Variants in GLB1 observed in about 807,000 individuals in gnomAD.
The protein encoded by GLB1 is beta-galactosidase.
In GLB1, 56 loss-of-function variants were observed where a neutral mutation model predicts 74.0. The observed-to-expected ratio is 0.76, with a 90% CI of 0.61 to 0.94. The LOEUF (loss-of-function observed/expected upper bound fraction) is 0.94. GLB1 is among the 40% of genes least tolerant of loss of function. The pLI, the probability that GLB1 is intolerant of heterozygous loss-of-function variation, is 0.00. For synonymous variants in GLB1, 323 were observed against 323.6 expected (o/e 1.00, Z 0.02); for missense variants, 787 against 845.5 (o/e 0.93, Z 0.86).
chr3:33,038,468 T>G (rs1464116099), intron 10 of GLB1, among the ~76,000 whole-genome samples: 1 of 152,232 alleles, frequency 6.6e-6, no homozygotes, highest in Non-Finnish European at 1.5e-5. Context: ...GTACAAGATG[T>G]TTTAAAATAT....
intron 1 of GLB1, among the ~76,000 whole-genome samples, chr3:33,073,013 G>A (rs1699942621): frequency 6.6e-6 from 1 of 152,050 alleles, no homozygotes; most frequent in Admixed American, 6.6e-5. Flanking sequence ...CTGTTCATGG[G>A]GCTGGGGAAC....
At chr3:32,990,380 T>C in the GLB1 span, among the ~76,000 whole-genome samples, 1 of 152,158 alleles carries the variant, frequency 6.6e-6, no homozygotes, top group Non-Finnish European at 1.5e-5. Flanking sequence ...CCTCACAAGC[T>C]ACATGGTTCA....
At position 33,095,150 on chromosome 3, in the gene GLB1, G is replaced by C. The variant is rs553559888; in HGVS notation, c.75+1861C>G. On this transcript the variant is annotated intron_variant, in intron 1 of 15. Coordinates refer to ENST00000307363, the MANE Select transcript of GLB1 (RefSeq NM_000404.4). ...CACTTGAACCTGGGAGGTGGAAGTT[G>C]TAGTGAGCCAAGATCGTGCCACTGC... 7.1e-3 allele frequency among the ~76,000 whole-genome samples: 924 copies of C among 129,348 alleles called. 15 individuals are homozygous for C. Among genetic ancestry groups the C allele is most frequent in the African/African-American group, 0.025 (868 of 34,768 alleles). The allele number at this position is 129,348 out of a possible 152,430, so 84.9% of individuals were successfully genotyped here.
At chr3:33,020,524 TAC>T (rs1188103661) in intron 12 of GLB1, among the ~76,000 whole-genome samples, 2 of 152,186 alleles carry the variant, frequency 1.3e-5, no homozygotes, top group African/African-American at 4.8e-5. Context: ...CAAAATGTCT[TAC>T]TGAATCTAAT....
At position 33,012,608 on chromosome 3, in the gene GLB1, G is replaced by A. The variant is rs568694062; in HGVS notation, c.1734+1448C>T. Among the ~76,000 whole-genome samples, 60 of 150,632 alleles carry A rather than the reference G, an allele frequency of 4.0e-4. No individual in the cohort carries two copies. The Middle Eastern group carries it at 0.017, about 43-fold the overall frequency. ...TTGTTTATAAGCCACCCAGCTTATGGTATTTTGTTATAGCAGCCCAAATAG... is the reference window on the plus strand; with the variant it reads ...TTGTTTATAAGCCACCCAGCTTATGATATTTTGTTATAGCAGCCCAAATAG... On this transcript the variant is annotated intron_variant, in intron 15 of 15. Coordinates refer to ENST00000307363, the MANE Select transcript of GLB1 (RefSeq NM_000404.4).
intron 4 of GLB1, 116 bp from the exon 5 acceptor site, chr3:33,065,673 TTC>T: frequency 8.0e-7 from 1 of 1,256,902 alleles, no homozygotes; most frequent in South Asian, 1.4e-5. Flanking sequence ...TTTAAAAACA[TTC>T]TGAGTTTTCT....
At chr3:33,007,856 G>A (rs1023667158) in intron 15 of GLB1, among the ~76,000 whole-genome samples, 2 of 152,166 alleles carry the variant, frequency 1.3e-5, no homozygotes, top group African/African-American at 2.4e-5. Flanking sequence ...GTTCCTCACC[G>A]GTTCTCAATG....
Position 33,068,980 on chromosome 3 carries a change from C to T in GLB1, c.246-10G>A. On this transcript the variant is annotated splice_polypyrimidine_tract_variant and intron_variant, in intron 2 of 15. Transcript: ENST00000307363. ...GTTCCAGGGCACATACCTGCCAAGA[C>T]ACACACAGCCCCTTCCTGGATACTT... is the stretch of plus-strand genomic sequence containing the variant. The T allele has an allele frequency of 1.2e-6, 2 of 1,614,016 alleles. No homozygotes were observed. The highest frequency in any genetic ancestry group is 8.5e-7 in the Non-Finnish European group (1 of 1,179,860).
chr3:33,045,273 T>A (rs1436911919), intron 10 of GLB1: 1 of 799,678 alleles, frequency 1.3e-6, no homozygotes, highest in Non-Finnish European at 1.5e-6. Context: ...AATAAATAAT[T>A]ATTGTTCATT....
Position 33,058,503 on chromosome 3 carries a change from C to T in GLB1, c.553-234G>A, listed in dbSNP as rs1699313334. On this transcript the variant is annotated intron_variant, in intron 5 of 15. Transcript: ENST00000307363. ...TCCCACCACTGAGAAATAAGAAAAA[C>T]AAAAAACACCAAACTGGTGTTCAGA... Among the ~76,000 whole-genome samples, 3 of 151,662 alleles carry T rather than the reference C, an allele frequency of 2.0e-5. No homozygotes were observed. The South Asian group carries it at 6.3e-4, about 32-fold the overall frequency.
At chr3:32,975,991 T>C in the GLB1 span, among the ~76,000 whole-genome samples, 2 of 152,210 alleles carry the variant, frequency 1.3e-5, no homozygotes, top group African/African-American at 2.4e-5. Flanking sequence ...CAGACCTCAT[T>C]TCCCCCAGAA....
intron 10 of GLB1, among the ~76,000 whole-genome samples, chr3:33,026,548 C>T (rs1697767484): frequency 6.6e-6 from 1 of 152,094 alleles, no homozygotes; most frequent in Non-Finnish European, 1.5e-5. Context: ...TGGGGAGGGC[C>T]CGAAGCCTGG....
In GLB1 at chr3:33,083,755, G is replaced by T. The variant is rs566232779; in HGVS notation, c.76-11042C>A. Among the ~76,000 whole-genome samples, 152 of 151,724 alleles carry T rather than the reference G, an allele frequency of 1.0e-3. 1 individual carries two copies. The highest frequency in any genetic ancestry group is 3.4e-3 in the African/African-American group (140 of 41,160). ...GCAGTACAAACAAAACACCAAATAC[G>T]TATCAGGAACCTAATACTGGCCAAT... On this transcript the variant is annotated intron_variant, in intron 1 of 15. Transcript: ENST00000307363.
intron 5 of GLB1, among the ~76,000 whole-genome samples, chr3:33,061,347 G>C (rs1232666460): frequency 6.6e-6 from 1 of 152,194 alleles, no homozygotes; most frequent in African/African-American, 2.4e-5. Context: ...CCGGGAGGCA[G>C]AGGTTGCCAT....
chr3:33,087,579 GCACACACACACACACACACACA>G (rs57935919), intron 1 of GLB1, among the ~76,000 whole-genome samples: 29 of 141,908 alleles, frequency 2.0e-4, no homozygotes, highest in African/African-American at 6.4e-4. Context: ...CAGCATGCGC[GCACACACACACACACACACACA>G]CACACACACA....
At chr3:33,055,363 G>C (rs1175783726) in intron 6 of GLB1, among the ~76,000 whole-genome samples, 1 of 152,130 alleles carries the variant, frequency 6.6e-6, no homozygotes, top group African/African-American at 2.4e-5. Flanking sequence ...TGAGAAGCCT[G>C]GCCAAAGCAG....
the GLB1 span, among the ~76,000 whole-genome samples, chr3:32,983,014 C>T: frequency 7.9e-5 from 12 of 152,108 alleles, no homozygotes; most frequent in Non-Finnish European, 1.6e-4. Flanking sequence ...AGACTATCCT[C>T]TGGCTGCTTT....
chr3:32,970,794 T>A, the GLB1 span, among the ~76,000 whole-genome samples: 7 of 152,160 alleles, frequency 4.6e-5, no homozygotes, highest in Non-Finnish European at 1.0e-4. Context: ...GAAGGACAAC[T>A]GCCCTGCTCT....
intron 9 of GLB1, among the ~76,000 whole-genome samples, chr3:33,049,052 T>C (rs943302302): frequency 2.0e-5 from 3 of 152,244 alleles, no homozygotes; most frequent in Admixed American, 6.5e-5. Context: ...TTTTTTAAGA[T>C]GAATGTGTTA....
Sources: gnomAD v4.1 joint callset for allele counts (sites outside exome capture counted in the v4.1 genomes callset) on GRCh38, gnomAD v4.1.1 for gene constraint, MANE v1.5 for transcripts, NCBI Gene and HGNC (gene_info 2026-07-23, HGNC 2026-07-21) for gene names.